KLHL35: variants seen among roughly 807,000 people sequenced by gnomAD.
The protein encoded by KLHL35 is kelch like family member 35.
KLHL35 carries 50 observed loss-of-function variants against 44.0 expected under a neutral mutation model. That is an observed-to-expected ratio of 1.14 (90% CI 0.91 to 1.44). The LOEUF (loss-of-function observed/expected upper bound fraction) is 1.44, where lower values mean the gene tolerates loss of function less well. Ranked by LOEUF, KLHL35 falls within the 40% of genes most tolerant of loss-of-function variation. The pLI is 0.00. For missense variants in KLHL35, 1,049 were observed against 887.8 expected (o/e 1.18, Z -2.31); for synonymous variants, 470 against 410.4 (o/e 1.15, Z -1.76).
chr11:75,429,617 G>T, intron 2 of KLHL35, 132 bp downstream of exon 2: 1 of 1,173,180 alleles, frequency 8.5e-7, no homozygotes, highest in Non-Finnish European at 1.1e-6. Flanking sequence ...TATGGGCACC[G>T]AGCCTCTAAA....
rs558065348 is a variant in KLHL35, at chr11:75,423,500, T to A, written c.1563+192A>T. The A allele has an allele frequency of 8.1e-5, 48 of 592,528 alleles. 1 individual carries two copies. The South Asian group carries it at 9.0e-4, about 11-fold the overall frequency. The allele number at this position is 592,528 out of a possible 1,614,324, so 36.7% of individuals were successfully genotyped here. On this transcript the variant is annotated intron_variant, in intron 6 of 6. Coordinates refer to ENST00000539798, the MANE Select transcript of KLHL35 (RefSeq NM_001039548.3). ...CCTTAACAGGGCCTAGTTGTTGGCC[T>A]GGGCCAGGTGCTGAACCTCTCTAAG... is the stretch of plus-strand genomic sequence containing the variant.
chr11:75,428,118 G>A (rs917523499), intron 3 of KLHL35, among the ~76,000 whole-genome samples: 1 of 152,164 alleles, frequency 6.6e-6, no homozygotes, highest in Non-Finnish European at 1.5e-5. Context: ...GCATTGTAGG[G>A]GGATTTAATG....
Position 75,433,176 on chromosome 11 carries a change from G to C in KLHL35, c.-135C>G, listed in dbSNP as rs189076875. Among the ~76,000 whole-genome samples the C allele has an allele frequency of 1.6e-3, 250 of 152,302 alleles. No homozygotes were observed. The highest frequency in any genetic ancestry group is 5.8e-3 in the African/African-American group (241 of 41,552). On this transcript the variant is annotated 5_prime_UTR_variant, in exon 1 of 7. Transcript: ENST00000539798. ...TGCTCTGCCCAGACTCCCGTTTGCTGTTCGCTCGGGCTCAGCTGCGGGAGG... is the reference window on the plus strand; with the variant it reads ...TGCTCTGCCCAGACTCCCGTTTGCTCTTCGCTCGGGCTCAGCTGCGGGAGG...
At chr11:75,425,848 C>T (rs1040722193) in intron 4 of KLHL35, 8 of 386,644 alleles carry the variant, frequency 2.1e-5, no homozygotes, top group Non-Finnish European at 3.7e-5. Flanking sequence ...TGGCACCAAG[C>T]TGATGCTTAA....
chr11:75,430,731 T>A, intron 1 of KLHL35, 101 bp from the exon 2 acceptor site: 1 of 1,007,560 alleles, frequency 9.9e-7, no homozygotes, highest in Non-Finnish European at 1.3e-6. Context: ...GACCATTTGT[T>A]CAGCGACTCT....
intron 4 of KLHL35, 115 bp downstream of exon 4, chr11:75,426,405 T>C (rs960544942): frequency 1.6e-6 from 1 of 627,962 alleles, no homozygotes; most frequent in South Asian, 2.0e-5. Flanking sequence ...AAGTCTCCTT[T>C]TTTGGGGGGC....
chr11:75,427,915 GTC>G (rs1351563635), intron 3 of KLHL35, among the ~76,000 whole-genome samples: 1 of 152,182 alleles, frequency 6.6e-6, no homozygotes, highest in Non-Finnish European at 1.5e-5. Context: ...TAAAAGTGAA[GTC>G]TCTCTCCTCT....
In KLHL35 at chr11:75,422,506, C is replaced by A; in HGVS notation, c.*74G>T. 1 of 1,411,548 alleles carries A rather than the reference C, an allele frequency of 7.1e-7. No individual in the cohort carries two copies. The highest frequency in any genetic ancestry group is 9.8e-7 in the Non-Finnish European group (1 of 1,016,450). 87.4% of individuals were successfully genotyped at this position (1,411,548 alleles called of 1,614,324 possible). A position where few individuals can be genotyped will look rare whatever the true frequency, so the allele number is the denominator to read the frequency against. The stretch of plus-strand genomic sequence containing the variant: ...GTTAAGGGCTGTTTGCGTGGAGGTG[C>A]CATGAGGGAGCAGAGTGTGCATCTG... On this transcript the variant is annotated 3_prime_UTR_variant, in exon 7 of 7. Transcript: ENST00000539798.
chr11:75,430,512 G>C lies in KLHL35; in HGVS notation c.118C>G (p.Leu40Val). 1 of 1,445,300 alleles carries C rather than the reference G, an allele frequency of 6.9e-7. No individual in the cohort carries two copies. The highest frequency in any genetic ancestry group is 3.0e-5 in the East Asian group (1 of 32,900). The allele number at this position is 1,445,300 out of a possible 1,614,324, so 89.5% of individuals were successfully genotyped here. A position where few individuals can be genotyped will look rare whatever the true frequency, so the allele number is the denominator to read the frequency against. ...CCGGCGCGCAGCACCACGTCGGTGA[G>C]GGTGCCGCTCCGCCGGTAGGCGTTC... Reference protein sequence around the residue: ...ALNAYRRSGTLTDVVLRAGGR... With the variant: ...ALNAYRRSGTVTDVVLRAGGR... Residue 40 changes from leucine to valine, a missense_variant, in exon 2 of 7, where the codon CTC (leucine) becomes GTC (valine). Physicochemically the swap from Leu to Val is conservative, Grantham distance 32. Coordinates refer to ENST00000539798, the MANE Select transcript of KLHL35 (RefSeq NM_001039548.3).
chr11:75,429,931 G>A lies in KLHL35; in HGVS notation c.699C>T (p.Gly233=). ...WVRHDAPARR[G]QLRRLLEHVR... ...CGTGCTCCAGCAGGCGTCGCAGCTGGCCGCGGCGGGCCGGCGCGTCGTGGC... is the reference window on the plus strand; with the variant it reads ...CGTGCTCCAGCAGGCGTCGCAGCTGACCGCGGCGGGCCGGCGCGTCGTGGC... The change falls in exon 2 of 7, where the codon GGC becomes GGT. Residue 233 remains glycine (G), a synonymous_variant. Transcript: ENST00000539798. 1.4e-6 allele frequency: 2 copies of A among 1,462,710 alleles called. No individual in the cohort carries two copies. The highest frequency in any genetic ancestry group is 1.8e-6 in the Non-Finnish European group (2 of 1,116,894). 90.6% of individuals were successfully genotyped at this position (1,462,710 alleles called of 1,614,324 possible). A position where few individuals can be genotyped will look rare whatever the true frequency, so the allele number is the denominator to read the frequency against.
intron 3 of KLHL35, among the ~76,000 whole-genome samples, chr11:75,428,018 C>T (rs537163572): frequency 1.3e-5 from 2 of 152,334 alleles, no homozygotes; most frequent in Admixed American, 6.5e-5. Context: ...TTGTTGGTAT[C>T]AAACAGATGT....
intron 3 of KLHL35, among the ~76,000 whole-genome samples, chr11:75,427,450 G>A (rs1283255470): frequency 1.3e-5 from 2 of 152,328 alleles, no homozygotes; most frequent in Non-Finnish European, 2.9e-5. Context: ...AGCCACATCT[G>A]TTTGGTAGCC....
At chr11:75,428,702 CA>C in intron 2 of KLHL35, 76 bp from the exon 3 acceptor site, 1 of 1,288,256 alleles carries the variant, frequency 7.8e-7, no homozygotes, top group Admixed American at 2.5e-5. Context: ...GACCACACTG[CA>C]CGGTCCCGCT....
In KLHL35 at chr11:75,430,494, G is replaced by GC. The variant is rs1948527817; in HGVS notation, c.135dup (p.Arg46AlafsTer152). On this transcript the variant is annotated frameshift_variant, in exon 2 of 7. Transcript: ENST00000539798. LOFTEE classifies it high-confidence loss of function. ...CACGGAAAGTCGCGCCCGCCGGCGCGCAGCACCACGTCGGTGAGGGTGCCG... is the reference window on the plus strand; with the variant it reads ...CACGGAAAGTCGCGCCCGCCGGCGCGCCAGCACCACGTCGGTGAGGGTGCCG... The GC allele has an allele frequency of 7.0e-7, 1 of 1,419,392 alleles. No individual in the cohort carries two copies. Among genetic ancestry groups the GC allele is most frequent in the South Asian group, 1.4e-5 (1 of 69,878 alleles). The allele number at this position is 1,419,392 out of a possible 1,614,324, so 87.9% of individuals were successfully genotyped here. A position where few individuals can be genotyped will look rare whatever the true frequency, so the allele number is the denominator to read the frequency against.
Position 75,430,504 on chromosome 11 carries a change from G to T in KLHL35, c.126C>A (p.Asp42Glu). 1 of 1,440,486 alleles carries T rather than the reference G, an allele frequency of 6.9e-7. No individual in the cohort carries two copies. Among genetic ancestry groups the T allele is most frequent in the Non-Finnish European group, 9.1e-7 (1 of 1,100,914 alleles). 89.2% of individuals were successfully genotyped at this position (1,440,486 alleles called of 1,614,324 possible). Residue 42 changes from aspartate to glutamate, a missense_variant, in exon 2 of 7, where the codon GAC becomes GAA. By Grantham distance (45) the Asp-to-Glu change is conservative. Coordinates refer to ENST00000539798, the MANE Select transcript of KLHL35 (RefSeq NM_001039548.3). ...NAYRRSGTLTDVVLRAGGRDF... is the reference protein window; with the variant it reads ...NAYRRSGTLTEVVLRAGGRDF... ...CGCGCCCGCCGGCGCGCAGCACCAC[G>T]TCGGTGAGGGTGCCGCTCCGCCGGT... is the stretch of plus-strand genomic sequence containing the variant.
chr11:75,425,711 G>T, intron 4 of KLHL35, 130 bp from the exon 5 acceptor site: 1 of 847,528 alleles, frequency 1.2e-6, no homozygotes, highest in Non-Finnish European at 1.7e-6. Flanking sequence ...GGACCAAACT[G>T]ACCCCCGAGC....
intron 5 of KLHL35, chr11:75,424,439 TTTCTACA>T (rs1199990772): frequency 2.0e-5 from 3 of 153,228 alleles, no homozygotes; most frequent in African/African-American, 7.2e-5. Context: ...TGCAGCCCTA[TTTCTACA>T]GCTGTCCACA....
At chr11:75,427,664 C>T (rs555268140) in intron 3 of KLHL35, among the ~76,000 whole-genome samples, 29 of 152,320 alleles carry the variant, frequency 1.9e-4, no homozygotes, top group Admixed American at 1.1e-3. Flanking sequence ...GCCCCAGACT[C>T]AAAGCCTCCC....
rs1193181985 is a variant in KLHL35, at chr11:75,430,525, C to T, written c.105G>A (p.Arg35=). 1 of 1,451,210 alleles carries T rather than the reference C, an allele frequency of 6.9e-7. No individual in the cohort carries two copies. Among genetic ancestry groups the T allele is most frequent in the Admixed American group, 2.6e-5 (1 of 38,614 alleles). 89.9% of individuals were successfully genotyped at this position (1,451,210 alleles called of 1,614,324 possible). Reference sequence around the variant, plus strand: ...CCACGTCGGTGAGGGTGCCGCTCCGCCGGTAGGCGTTCAGGGCCTGCAGCA... The same window carrying T: ...CCACGTCGGTGAGGGTGCCGCTCCGTCGGTAGGCGTTCAGGGCCTGCAGCA... The part of the protein sequence containing the change: ...QRVLQALNAY[R]RSGTLTDVVL... The change falls in exon 2 of 7, where the codon CGG becomes CGA. Residue 35 remains arginine, a synonymous_variant. Coordinates refer to ENST00000539798, the MANE Select transcript of KLHL35 (RefSeq NM_001039548.3).
Sources: allele counts gnomAD v4.1 joint callset (sites outside exome capture counted in the v4.1 genomes callset), GRCh38; gene constraint gnomAD v4.1.1; transcripts MANE v1.5; gene names NCBI Gene and HGNC (gene_info 2026-07-23, HGNC 2026-07-21).